Variants in ZBTB8A observed in about 807,000 individuals in gnomAD.
The protein encoded by ZBTB8A is zinc finger and BTB domain containing 8A, also known as zinc finger and BTB domain-containing protein 8A.
In ZBTB8A, 19 loss-of-function variants were observed where a neutral mutation model predicts 37.8. The ratio of observed to expected loss-of-function variants is 0.50; its 90% CI spans 0.35 to 0.74. ZBTB8A has a LOEUF of 0.74. Ranked by LOEUF, ZBTB8A falls within the 30% of genes least tolerant of loss-of-function variation. ZBTB8A has a pLI of 0.01. For missense variants in ZBTB8A, 394 were observed against 537.8 expected, an observed-to-expected ratio of 0.73 and a Z score of 2.65; for synonymous variants, 181 against 185.2, an observed-to-expected ratio of 0.98 and a Z score of 0.19.
chr1:32,601,520 T>G lies in ZBTB8A; in HGVS notation c.*1101T>G. On this transcript the variant is annotated 3_prime_UTR_variant, in exon 5 of 5. Coordinates refer to ENST00000373510, the MANE Select transcript of ZBTB8A (RefSeq NM_001040441.3). Reference sequence around the variant, plus strand: ...CTAGGAGGTTCTTACCATATGTGAGTGATTTCTAACGTTTATGTAGTGCTA... The same window carrying G: ...CTAGGAGGTTCTTACCATATGTGAGGGATTTCTAACGTTTATGTAGTGCTA... The G allele has an allele frequency of 2.5e-6, 1 of 397,748 alleles. No individual in the cohort carries two copies. The highest frequency in any genetic ancestry group is 4.4e-6 in the Non-Finnish European group (1 of 225,702). The allele number at this position is 397,748 out of a possible 1,614,324, so 24.6% of individuals were successfully genotyped here. A position where few individuals can be genotyped will look rare whatever the true frequency, so the allele number is the denominator to read the frequency against.
intron 2 of ZBTB8A, among the ~76,000 whole-genome samples, chr1:32,576,453 AGTTTC>A (rs1485824977): frequency 6.6e-6 from 1 of 151,766 alleles, no homozygotes; most frequent in African/African-American, 2.4e-5. Flanking sequence ...TCTTTGAGAC[AGTTTC>A]GTTCTTGTTG....
chr1:32,563,100 C>CT (rs1570330610), intron 2 of ZBTB8A, among the ~76,000 whole-genome samples: 1 of 152,076 alleles, frequency 6.6e-6, no homozygotes, highest in East Asian at 1.9e-4. Context: ...TGTTTTAACT[C>CT]TTATTTTCTG....
In ZBTB8A at chr1:32,540,932, G is replaced by A. The variant is rs556247378; in HGVS notation, c.-84+1360G>A. Among the ~76,000 whole-genome samples the A allele has an allele frequency of 1.2e-4, 19 of 152,316 alleles. No homozygotes were observed. In the South Asian group the frequency reaches 3.7e-3, roughly 30 times the overall value. ...TGTCAGCAGGAGGCATAATGAGTAG[G>A]GACTCCAGGAAGGAGGCCACACCAC... On this transcript the variant is annotated intron_variant, in intron 1 of 4. Transcript: ENST00000373510.
At chr1:32,584,602 C>T (rs1644432715) in intron 2 of ZBTB8A, among the ~76,000 whole-genome samples, 1 of 149,610 alleles carries the variant, frequency 6.7e-6, no homozygotes, top group Admixed American at 6.8e-5. Context: ...GCCTTGAGCT[C>T]CTGGGCTCGA....
chr1:32,596,847 C>T (rs1353980195), intron 4 of ZBTB8A, among the ~76,000 whole-genome samples: 1 of 152,010 alleles, frequency 6.6e-6, no homozygotes, highest in Non-Finnish European at 1.5e-5. Context: ...CTGTTCAGAG[C>T]CAAAGATAAT....
At chr1:32,547,040 C>G (rs1168167436) in intron 1 of ZBTB8A, among the ~76,000 whole-genome samples, 9 of 151,540 alleles carry the variant, frequency 5.9e-5, no homozygotes, top group Admixed American at 5.9e-4. Context: ...TAGCTGGGAC[C>G]ACAGGCATAT....
At chr1:32,564,249 A>T (rs1018925554) in intron 2 of ZBTB8A, among the ~76,000 whole-genome samples, 1 of 152,156 alleles carries the variant, frequency 6.6e-6, no homozygotes, top group Non-Finnish European at 1.5e-5. Context: ...AGAACTCAAG[A>T]TGATTGGTAT....
chr1:32,539,555 G>A lies in ZBTB8A; in HGVS notation c.-101G>A, dbSNP rs1258606516. The stretch of plus-strand genomic sequence containing the variant: ...CCTCGGCCCGCGCGCGCGACCGGCC[G>A]GTGCGCCGCGGCCCGCGGTAAGTGG... On this transcript the variant is annotated 5_prime_UTR_variant, in exon 1 of 5. Transcript: ENST00000373510. 1 of 149,740 alleles carries A rather than the reference G, an allele frequency of 6.7e-6. No individual in the cohort carries two copies. The highest frequency in any genetic ancestry group is 2.4e-5 in the African/African-American group (1 of 41,150). 9.3% of individuals were successfully genotyped at this position (149,740 alleles called of 1,614,324 possible).
intron 2 of ZBTB8A, among the ~76,000 whole-genome samples, chr1:32,590,556 G>A (rs946112348): frequency 2.6e-5 from 4 of 152,140 alleles, no homozygotes; most frequent in Non-Finnish European, 5.9e-5. Context: ...TGCTGCCTCC[G>A]CTTAGCTGGC....
At chr1:32,566,174 C>T (rs1331498496) in intron 2 of ZBTB8A, among the ~76,000 whole-genome samples, 1 of 149,910 alleles carries the variant, frequency 6.7e-6, no homozygotes, top group African/African-American at 2.5e-5. Context: ...TGCACTCCAG[C>T]CTGGGCGACA....
chr1:32,546,335 T>G (rs1052522613), intron 1 of ZBTB8A, among the ~76,000 whole-genome samples: 2 of 151,776 alleles, frequency 1.3e-5, no homozygotes, highest in African/African-American at 2.4e-5. Flanking sequence ...TCCCAGCTAC[T>G]CAGGAGGCTG....
chr1:32,599,392 T>C (rs967865191), intron 4 of ZBTB8A, among the ~76,000 whole-genome samples: 36 of 152,096 alleles, frequency 2.4e-4, no homozygotes, highest in African/African-American at 8.4e-4. Context: ...CACTACACCG[T>C]AGCCTGGGTG....
At chr1:32,563,548 C>T (rs556758119) in intron 2 of ZBTB8A, among the ~76,000 whole-genome samples, 51 of 152,160 alleles carry the variant, frequency 3.4e-4, no homozygotes, top group African/African-American at 8.7e-4. Flanking sequence ...GTGCAGCCTC[C>T]GCCTCCTGGA....
intron 2 of ZBTB8A, among the ~76,000 whole-genome samples, chr1:32,556,178 A>C (rs1210836019): frequency 6.6e-6 from 1 of 152,084 alleles, no homozygotes; most frequent in Non-Finnish European, 1.5e-5. Flanking sequence ...GGTTCAAGCG[A>C]TTCTCCTGCC....
At chr1:32,558,651 G>A (rs774929600) in intron 2 of ZBTB8A, among the ~76,000 whole-genome samples, 10 of 152,144 alleles carry the variant, frequency 6.6e-5, no homozygotes, top group Non-Finnish European at 1.5e-4. Context: ...GAAAGGTTTG[G>A]CCTGGGATGG....
At chr1:32,580,791 G>A (rs140953901) in intron 2 of ZBTB8A, among the ~76,000 whole-genome samples, 70 of 151,956 alleles carry the variant, frequency 4.6e-4, no homozygotes, top group African/African-American at 1.4e-3. Context: ...AGTTTATTTG[G>A]CTCACAGATC....
chr1:32,552,398 G>A (rs572280047), intron 1 of ZBTB8A, among the ~76,000 whole-genome samples: 3 of 152,090 alleles, frequency 2.0e-5, no homozygotes, highest in Non-Finnish European at 2.9e-5. Context: ...GGTGGCTCAC[G>A]CCTGTAATCT....
chr1:32,569,386 CTT>C (rs563715372), intron 2 of ZBTB8A, among the ~76,000 whole-genome samples: 6 of 82,302 alleles, frequency 7.3e-5, no homozygotes, highest in African/African-American at 2.6e-4. Flanking sequence ...TTTTCCTTTC[CTT>C]TTTTTTTTTT....
rs1644320165 is a variant in ZBTB8A, at chr1:32,571,168, A to T, written c.-2+17628A>T. ...TGGGATTACAGGCGTGAGCCACCACACCCGGCCTATGCCTGTTATTTCTTT... is the reference window on the plus strand; with the variant it reads ...TGGGATTACAGGCGTGAGCCACCACTCCCGGCCTATGCCTGTTATTTCTTT... On this transcript the variant is annotated intron_variant, in intron 2 of 4. Transcript: ENST00000373510. 2.0e-5 allele frequency among the ~76,000 whole-genome samples: 3 copies of T among 151,896 alleles called. No individual in the cohort carries two copies. In the South Asian group the frequency reaches 6.2e-4, roughly 32 times the overall value.
Sources: gnomAD v4.1 joint callset for allele counts (sites outside exome capture counted in the v4.1 genomes callset) on GRCh38, gnomAD v4.1.1 for gene constraint, MANE v1.5 for transcripts, NCBI Gene and HGNC (gene_info 2026-07-23, HGNC 2026-07-21) for gene names.